Variants in DCC observed in about 807,000 individuals in gnomAD.
The protein encoded by DCC is netrin receptor DCC.
A neutral mutation model predicts 172.5 loss-of-function variants in DCC; 58 were observed. The observed-to-expected ratio is 0.34, with a 90% confidence interval of 0.27 to 0.42. DCC has a LOEUF of 0.42. Among genes scored for constraint, DCC ranks in the 10% least tolerant of loss-of-function variants. DCC has a pLI of 1.00. For synonymous variants in DCC, 709 were observed against 644.5 expected, an observed-to-expected ratio of 1.10 and a Z score of -1.52; for missense variants, 1,740 against 1,791.0, an observed-to-expected ratio of 0.97 and a Z score of 0.51.
intron 19 of DCC, among the ~76,000 whole-genome samples, chr18:53,404,771 A>T (rs1909556454): frequency 6.6e-6 from 1 of 151,942 alleles, no homozygotes; most frequent in South Asian, 2.1e-4. Flanking sequence ...AAAAAAAGAA[A>T]TGCAAATTAA....
chr18:53,151,358 A>G (rs753939401), intron 7 of DCC, among the ~76,000 whole-genome samples: 1 of 152,218 alleles, frequency 6.6e-6, no homozygotes, highest in Admixed American at 6.6e-5. Flanking sequence ...ATAGTCTTAC[A>G]CAGGTACATC....
intron 2 of DCC, among the ~76,000 whole-genome samples, chr18:52,845,128 G>A (rs1407861424): frequency 6.9e-6 from 1 of 145,028 alleles, no homozygotes; most frequent in Non-Finnish European, 1.5e-5. Context: ...AAGACAGACA[G>A]AGAGAGGACA....
At chr18:52,926,587 G>A (rs1374508784) in intron 5 of DCC, among the ~76,000 whole-genome samples, 1 of 151,598 alleles carries the variant, frequency 6.6e-6, no homozygotes, top group African/African-American at 2.4e-5. Flanking sequence ...GTATTGTGCT[G>A]TATATTACTG....
At chr18:53,464,949 A>G (rs1006402375) in intron 24 of DCC, among the ~76,000 whole-genome samples, 4 of 145,326 alleles carry the variant, frequency 2.8e-5, no homozygotes, top group Non-Finnish European at 6.0e-5. Flanking sequence ...ACTGCACTCC[A>G]GCCTGGGCGA....
intron 5 of DCC, among the ~76,000 whole-genome samples, chr18:53,027,870 A>T (rs2041977903): frequency 6.6e-6 from 1 of 151,540 alleles, no homozygotes; most frequent in African/African-American, 2.4e-5. Context: ...CCAAGGGGAG[A>T]CAGTGGCATT....
intron 7 of DCC, among the ~76,000 whole-genome samples, chr18:53,083,031 T>C (rs905471830): frequency 6.7e-6 from 1 of 149,430 alleles, no homozygotes; most frequent in East Asian, 2.0e-4. Flanking sequence ...ATTTTTTTTT[T>C]ACCTTTGCTA....
chr18:53,214,543 G>A (rs1184169465), intron 11 of DCC, among the ~76,000 whole-genome samples: 1 of 152,060 alleles, frequency 6.6e-6, no homozygotes, highest in Non-Finnish European at 1.5e-5. Context: ...AGTAAAAGAA[G>A]GGGAAAGATG....
At chr18:52,694,649 G>C (rs1221762734) in intron 1 of DCC, among the ~76,000 whole-genome samples, 1 of 151,910 alleles carries the variant, frequency 6.6e-6, no homozygotes, top group East Asian at 1.9e-4. Flanking sequence ...TGCAGATAAA[G>C]GGACCATGGA....
intron 1 of DCC, among the ~76,000 whole-genome samples, chr18:52,464,303 G>T (rs1432841564): frequency 6.6e-6 from 1 of 152,078 alleles, no homozygotes; most frequent in African/African-American, 2.4e-5. Context: ...CATGTAGCTG[G>T]GGGTGGAATC....
At chr18:53,253,054 A>C (rs2056458729) in intron 12 of DCC, among the ~76,000 whole-genome samples, 1 of 151,972 alleles carries the variant, frequency 6.6e-6, no homozygotes, top group Non-Finnish European at 1.5e-5. Context: ...ATTAATCAAA[A>C]ATATCATTGT....
chr18:53,352,745 T>C (rs1433461612), intron 15 of DCC, among the ~76,000 whole-genome samples: 3 of 152,276 alleles, frequency 2.0e-5, no homozygotes, highest in East Asian at 3.9e-4. Context: ...TCTGGTTTAG[T>C]TTATAACTGC....
intron 15 of DCC, among the ~76,000 whole-genome samples, chr18:53,369,384 C>T (rs1015619478): frequency 1.3e-5 from 2 of 151,722 alleles, no homozygotes; most frequent in East Asian, 1.9e-4. Flanking sequence ...GTTATATTTG[C>T]AAAATCTTAG....
intron 7 of DCC, among the ~76,000 whole-genome samples, chr18:53,123,807 C>T (rs1023434952): frequency 1.3e-5 from 2 of 152,068 alleles, no homozygotes; most frequent in African/African-American, 4.8e-5. Flanking sequence ...CAACGTGTCA[C>T]GGTCCTTTTC....
chr18:52,623,490 G>C (rs2034518855), intron 1 of DCC, among the ~76,000 whole-genome samples: 1 of 152,124 alleles, frequency 6.6e-6, no homozygotes, highest in Non-Finnish European at 1.5e-5. Flanking sequence ...GGGAGAGAGA[G>C]GCATGGATTA....
chr18:53,339,258 C>T (rs913161747), intron 14 of DCC, among the ~76,000 whole-genome samples: 15 of 152,308 alleles, frequency 9.8e-5, no homozygotes, highest in South Asian at 6.2e-4. Context: ...TTAACTGTTT[C>T]TCCTGACAAT....
intron 25 of DCC, among the ~76,000 whole-genome samples, chr18:53,471,998 C>A (rs978428372): frequency 1.3e-5 from 2 of 152,132 alleles, no homozygotes; most frequent in Non-Finnish European, 2.9e-5. Flanking sequence ...AGAACAGCAC[C>A]TGGCACATGG....
intron 1 of DCC, among the ~76,000 whole-genome samples, chr18:52,608,192 C>A (rs557238168): frequency 1.1e-4 from 16 of 152,238 alleles, no homozygotes; most frequent in African/African-American, 3.9e-4. Context: ...GTCAGCATTT[C>A]TAATACTCTG....
chr18:53,124,852 C>T (rs930513655), intron 7 of DCC, among the ~76,000 whole-genome samples: 4 of 151,866 alleles, frequency 2.6e-5, no homozygotes, highest in Non-Finnish European at 4.4e-5. Flanking sequence ...TGCCTGTAGT[C>T]CCAGCTACTT....
chr18:52,672,800 G>A (rs919712409), intron 1 of DCC, among the ~76,000 whole-genome samples: 3 of 152,116 alleles, frequency 2.0e-5, no homozygotes, highest in Non-Finnish European at 4.4e-5. Context: ...GGGTACCAAG[G>A]CTTGTGCCTA....
Sources: allele counts gnomAD v4.1 joint callset (sites outside exome capture counted in the v4.1 genomes callset), GRCh38; gene constraint gnomAD v4.1.1; transcripts MANE v1.5; gene names NCBI Gene and HGNC (gene_info 2026-07-23, HGNC 2026-07-21).